ARID2: variants seen among roughly 807,000 people sequenced by gnomAD.
The protein encoded by ARID2 is AT-rich interaction domain 2, also known as AT-rich interactive domain-containing protein 2.
Under a neutral mutation model 184.6 loss-of-function variants are expected in ARID2, and 32 were observed. The observed-to-expected ratio is 0.17, with a 90% CI of 0.13 to 0.23. ARID2 has a LOEUF of 0.23. Among genes scored for constraint, ARID2 ranks in the 10% least tolerant of loss-of-function variants. The pLI, the probability that ARID2 is intolerant of heterozygous loss-of-function variation, is 1.00. For missense variants in ARID2, 1,696 were observed against 2,197.6 expected (o/e 0.77, Z 4.56); for synonymous variants, 836 against 772.6 (o/e 1.08, Z -1.36).
chr12:45,832,939 A>T (rs984942666), intron 6 of ARID2, among the ~76,000 whole-genome samples: 1 of 152,134 alleles, frequency 6.6e-6, no homozygotes, highest in African/African-American at 2.4e-5. Context: ...GGAAAATTTG[A>T]TATCTTTGGA....
At chr12:45,833,129 T>G (rs894347918) in intron 6 of ARID2, among the ~76,000 whole-genome samples, 2 of 152,196 alleles carry the variant, frequency 1.3e-5, no homozygotes, top group Non-Finnish European at 2.9e-5. Flanking sequence ...GTTAAGCAAA[T>G]CTTGTATATT....
At chr12:45,813,153 C>G (rs1347609516) in intron 4 of ARID2, among the ~76,000 whole-genome samples, 1 of 152,044 alleles carries the variant, frequency 6.6e-6, no homozygotes, top group African/African-American at 2.4e-5. Flanking sequence ...AGAATCTGAA[C>G]AGTTACATTT....
intron 15 of ARID2, among the ~76,000 whole-genome samples, chr12:45,853,967 G>A (rs1943601081): frequency 6.6e-6 from 1 of 152,202 alleles, no homozygotes; most frequent in Non-Finnish European, 1.5e-5. Context: ...TGAGCGGCAG[G>A]TGAGCGAGTG....
intron 6 of ARID2, among the ~76,000 whole-genome samples, chr12:45,828,748 C>T (rs1943051795): frequency 6.6e-6 from 1 of 151,892 alleles, no homozygotes; most frequent in African/African-American, 2.4e-5. Context: ...ATTTTGATAG[C>T]TTCTTTTAGG....
chr12:45,743,376 A>G (rs1453100539), intron 3 of ARID2, among the ~76,000 whole-genome samples: 1 of 152,004 alleles, frequency 6.6e-6, no homozygotes, highest in Non-Finnish European at 1.5e-5. Flanking sequence ...CTCAAAAAAA[A>G]AGAGAGACAA....
chr12:45,806,826 A>G (rs1470307215), intron 3 of ARID2, among the ~76,000 whole-genome samples: 1 of 152,132 alleles, frequency 6.6e-6, no homozygotes, highest in East Asian at 1.9e-4. Flanking sequence ...GGTGCTTCTC[A>G]TAGTTGCTTC....
At chr12:45,820,693 A>G (rs762586677) in intron 5 of ARID2, among the ~76,000 whole-genome samples, 1 of 152,196 alleles carries the variant, frequency 6.6e-6, no homozygotes, top group Admixed American at 6.5e-5. Context: ...TTTGAATCAT[A>G]CTGCTTTATA....
At chr12:45,872,872 T>C (rs1182866643) in intron 16 of ARID2, among the ~76,000 whole-genome samples, 1 of 152,220 alleles carries the variant, frequency 6.6e-6, no homozygotes, top group Non-Finnish European at 1.5e-5. Flanking sequence ...TCAGTAAATA[T>C]CAATTAGATC....
At position 45,766,136 on chromosome 12, in the gene ARID2, TA is replaced by T. The variant is rs748457897; in HGVS notation, c.284+34823del. Among the ~76,000 whole-genome samples the T allele has an allele frequency of 5.2e-4, 79 of 152,198 alleles. 1 individual carries two copies. Among genetic ancestry groups the T allele is most frequent in the Non-Finnish European group, 1.0e-3 (70 of 68,030 alleles). ...TAAGACCACAATGAACATATTGTTT[TA>T]TGTTATATATTGGATATGTTAGGCA... On this transcript the variant is annotated intron_variant, in intron 3 of 20. Transcript: ENST00000334344.
chr12:45,853,880 C>T (rs1943599894), intron 15 of ARID2, among the ~76,000 whole-genome samples: 1 of 152,186 alleles, frequency 6.6e-6, no homozygotes, highest in Non-Finnish European at 1.5e-5. Context: ...GGGAAGAGCC[C>T]CTTGCTTCAG....
intron 16 of ARID2, among the ~76,000 whole-genome samples, chr12:45,887,584 C>CAT: frequency 6.6e-6 from 1 of 152,228 alleles, no homozygotes; most frequent in East Asian, 1.9e-4. Context: ...AGATTAGGCT[C>CAT]ATAGACACAT....
At chr12:45,861,530 AC>A (rs1943747178) in intron 16 of ARID2, among the ~76,000 whole-genome samples, 1 of 150,832 alleles carries the variant, frequency 6.6e-6, no homozygotes, top group Non-Finnish European at 1.5e-5. Context: ...CTTAGGTAAG[AC>A]CTTTTGCCTT....
rs1943228572 is a variant in ARID2, at chr12:45,836,798, G to C, written c.830G>C (p.Gly277Ala). ...ESLFHPPRKL[G>A]INDIEGQRVL... ...TTATTTCATCCACCTCGAAAGCTGGGCATTAACGATATTGAAGGACAGCGG... is the reference window on the plus strand; with the variant it reads ...TTATTTCATCCACCTCGAAAGCTGGCCATTAACGATATTGAAGGACAGCGG... Residue 277 changes from glycine (G) to alanine (A), a missense_variant, in exon 8 of 21, where the codon GGC becomes GCC. By Grantham distance (60) the Gly-to-Ala change is moderately conservative (BLOSUM62 0). Transcript: ENST00000334344. 6.2e-7 allele frequency: 1 copy of C among 1,614,082 alleles called. No homozygotes were observed. Among genetic ancestry groups the C allele is most frequent in the Non-Finnish European group, 8.5e-7 (1 of 1,179,984 alleles).
At chr12:45,834,288 T>C (rs1592106416) in intron 6 of ARID2, among the ~76,000 whole-genome samples, 1 of 152,284 alleles carries the variant, frequency 6.6e-6, no homozygotes, top group Admixed American at 6.5e-5. Context: ...CCATGACTTT[T>C]TGAAAGTGTT....
At chr12:45,825,283 A>G (rs1019645201) in intron 6 of ARID2, among the ~76,000 whole-genome samples, 1 of 152,164 alleles carries the variant, frequency 6.6e-6, no homozygotes, top group African/African-American at 2.4e-5. Flanking sequence ...ATATGAGGTG[A>G]TGCATATCCC....
rs1943405328 is a variant in ARID2 at position 45,844,316 on chromosome 12, GC to G, written c.1499-2537del. ...TTACAGGCATGAGCCACCATGCCTG[GC>G]CCACCTTTGATATTTCTTTAAAATA... On this transcript the variant is annotated intron_variant, in intron 11 of 20. Coordinates refer to ENST00000334344, the MANE Select transcript of ARID2 (RefSeq NM_152641.4). Among the ~76,000 whole-genome samples, 4 of 152,248 alleles carry G rather than the reference GC, an allele frequency of 2.6e-5. No homozygotes were observed. In the South Asian group the frequency reaches 8.3e-4, roughly 32 times the overall value.
intron 16 of ARID2, among the ~76,000 whole-genome samples, chr12:45,868,109 C>G (rs1438683995): frequency 6.6e-6 from 1 of 152,012 alleles, no homozygotes; most frequent in Non-Finnish European, 1.5e-5. Context: ...CTTTATTGCC[C>G]TTCCTAAAAA....
At chr12:45,843,823 A>G (rs1481616596) in intron 11 of ARID2, among the ~76,000 whole-genome samples, 1 of 152,170 alleles carries the variant, frequency 6.6e-6, no homozygotes, top group African/African-American at 2.4e-5. Context: ...GTAACCTAGT[A>G]AAGATAGTTT....
chr12:45,778,515 A>T (rs1942030561), intron 3 of ARID2, among the ~76,000 whole-genome samples: 1 of 152,162 alleles, frequency 6.6e-6, no homozygotes, highest in Non-Finnish European at 1.5e-5. Flanking sequence ...GTAATAAAAG[A>T]CTGCAGAGAG....
Sources: allele counts gnomAD v4.1 joint callset (sites outside exome capture counted in the v4.1 genomes callset), GRCh38; gene constraint gnomAD v4.1.1; transcripts MANE v1.5; gene names NCBI Gene and HGNC (gene_info 2026-07-23, HGNC 2026-07-21).